SLC39A14: variants seen among roughly 807,000 people sequenced by gnomAD.
SLC39A14 encodes the protein metal cation symporter ZIP14.
SLC39A14 carries 19 observed loss-of-function variants against 45.5 expected under a neutral mutation model. The ratio of observed to expected loss-of-function variants is 0.42; its 90% CI spans 0.29 to 0.61. SLC39A14 has a LOEUF of 0.61. Ranked by LOEUF, SLC39A14 falls within the 20% of genes least tolerant of loss-of-function variation. The pLI is 0.22. For missense variants in SLC39A14, 447 were observed against 616.5 expected (o/e 0.73, Z 2.91); for synonymous variants, 264 against 251.3 (o/e 1.05, Z -0.48).
chr8:22,418,396 A>G (rs1386815057), intron 8 of SLC39A14, among the ~76,000 whole-genome samples: 1 of 152,212 alleles, frequency 6.6e-6, no homozygotes, highest in Non-Finnish European at 1.5e-5. Context: ...ATTAATTATT[A>G]TGGAATGGCT....
intron 8 of SLC39A14, among the ~76,000 whole-genome samples, chr8:22,428,150 A>T (rs192123619): frequency 6.6e-6 from 1 of 151,528 alleles, no homozygotes; most frequent in Admixed American, 6.6e-5. Flanking sequence ...ATACAAAATT[A>T]GCTGGGTGTG....
chr8:22,412,245 C>T (rs367993834), intron 4 of SLC39A14, 39 bp downstream of exon 4: 3 of 1,543,674 alleles, frequency 1.9e-6, no homozygotes, highest in African/African-American at 1.4e-5. Flanking sequence ...AGCATGCCGG[C>T]GGGCACAGTG....
At chr8:22,411,739 G>T (rs1025468290) in intron 3 of SLC39A14, 3 of 338,806 alleles carry the variant, frequency 8.9e-6, no homozygotes, top group African/African-American at 4.2e-5. Flanking sequence ...GGGGCCACCA[G>T]TGGCCACAGG....
Position 22,420,698 on chromosome 8 carries a change from A to G in SLC39A14, c.*1000A>G. Reference sequence around the variant, plus strand: ...GGTGCCATTTATGCTCTACTTAGACAAGGGTAATCAGAAATGGAATCAGTG... The same window carrying G: ...GGTGCCATTTATGCTCTACTTAGACGAGGGTAATCAGAAATGGAATCAGTG... On this transcript the variant is annotated 3_prime_UTR_variant, in exon 9 of 9. Transcript: ENST00000381237. 2.0e-6 allele frequency: 2 copies of G among 985,422 alleles called. No homozygotes were observed. Among genetic ancestry groups the G allele is most frequent in the African/African-American group, 1.7e-5 (1 of 57,346 alleles). The allele number at this position is 985,422 out of a possible 1,614,324, so 61.0% of individuals were successfully genotyped here. A position where few individuals can be genotyped will look rare whatever the true frequency, so the allele number is the denominator to read the frequency against.
At chr8:22,402,136 C>T (rs572207678) in intron 1 of SLC39A14, among the ~76,000 whole-genome samples, 1 of 152,302 alleles carries the variant, frequency 6.6e-6, no homozygotes, top group East Asian at 1.9e-4. Context: ...AATCCCAGCA[C>T]TTTGGGAGGC....
intron 1 of SLC39A14, among the ~76,000 whole-genome samples, chr8:22,378,490 T>C (rs796395965): frequency 2.4e-4 from 37 of 152,286 alleles, no homozygotes; most frequent in African/African-American, 7.9e-4. Flanking sequence ...CTATTTTCCA[T>C]TGCTGGCTAC....
At chr8:22,428,180 C>T (rs1161486715) in intron 8 of SLC39A14, among the ~76,000 whole-genome samples, 3 of 151,994 alleles carry the variant, frequency 2.0e-5, no homozygotes, top group Non-Finnish European at 4.4e-5. Context: ...GCCTGTAATC[C>T]CAGTTACTTG....
chr8:22,376,226 C>A, intron 1 of SLC39A14, among the ~76,000 whole-genome samples: 1 of 152,012 alleles, frequency 6.6e-6, no homozygotes, highest in Non-Finnish European at 1.5e-5. Context: ...GGCTGGAGGG[C>A]AGTGGTGTGA....
intron 1 of SLC39A14, among the ~76,000 whole-genome samples, chr8:22,387,032 G>T (rs933588556): frequency 2.0e-5 from 3 of 152,086 alleles, no homozygotes; most frequent in African/African-American, 4.8e-5. Flanking sequence ...AAGTAGCCAG[G>T]CATGGTGGTG....
intron 1 of SLC39A14, among the ~76,000 whole-genome samples, chr8:22,370,785 G>A (rs1213238604): frequency 1.3e-5 from 2 of 152,172 alleles, no homozygotes; most frequent in East Asian, 3.9e-4. Context: ...CTGGAGACAT[G>A]GGAGGCTGGG....
At chr8:22,375,594 T>G (rs1299831547) in intron 1 of SLC39A14, among the ~76,000 whole-genome samples, 1 of 152,116 alleles carries the variant, frequency 6.6e-6, no homozygotes, top group East Asian at 1.9e-4. Context: ...CAAGCAATTC[T>G]CCTGCCTCAG....
At position 22,419,817 on chromosome 8, in the gene SLC39A14, G is replaced by T; in HGVS notation, c.*119G>T. ...GGCCGTTCTATGAAAAACTGACACA[G>T]ACTGTATTCCTGCATTCAAATGTCA... On this transcript the variant is annotated 3_prime_UTR_variant, in exon 9 of 9. Coordinates refer to ENST00000381237, the MANE Select transcript of SLC39A14 (RefSeq NM_001128431.4). The T allele has an allele frequency of 7.0e-7, 1 of 1,434,268 alleles. No individual in the cohort carries two copies. The allele number at this position is 1,434,268 out of a possible 1,614,324, so 88.8% of individuals were successfully genotyped here.
chr8:22,378,656 C>G (rs1833338573), intron 1 of SLC39A14, among the ~76,000 whole-genome samples: 2 of 152,214 alleles, frequency 1.3e-5, no homozygotes, highest in Admixed American at 1.3e-4. Context: ...GGCTCACCAG[C>G]TTTGTTCTGG....
intron 8 of SLC39A14, among the ~76,000 whole-genome samples, chr8:22,430,829 T>C (rs13255244): frequency 0.3 from 46,001 of 151,394 alleles, 7,342 homozygotes; most frequent in East Asian, 0.5. Context: ...TGTGCCATCA[T>C]GCCCAGCTAA....
intron 1 of SLC39A14, 133 bp from the exon 2 acceptor site, chr8:22,404,563 C>A: frequency 1.3e-6 from 1 of 760,192 alleles, no homozygotes; most frequent in Non-Finnish European, 2.1e-6. Flanking sequence ...TTCTCAAAGG[C>A]TAATTCAAGA....
intron 8 of SLC39A14, among the ~76,000 whole-genome samples, chr8:22,431,267 G>A (rs552604817): frequency 2.0e-5 from 3 of 152,170 alleles, no homozygotes; most frequent in Admixed American, 6.6e-5. Flanking sequence ...GATTACAGAC[G>A]TGAGCCACCG....
chr8:22,405,831 C>A (rs1422051569), intron 2 of SLC39A14, among the ~76,000 whole-genome samples: 1 of 152,200 alleles, frequency 6.6e-6, no homozygotes, highest in Admixed American at 6.5e-5. Flanking sequence ...CTCTGCTAAT[C>A]AGACTCTGGG....
intron 1 of SLC39A14, among the ~76,000 whole-genome samples, chr8:22,392,333 T>A (rs958373318): frequency 9.9e-5 from 15 of 152,166 alleles, no homozygotes; most frequent in African/African-American, 3.6e-4. Context: ...ACAGTTTAAT[T>A]GTGCCGGACA....
At chr8:22,391,068 C>A (rs1256458494) in intron 1 of SLC39A14, among the ~76,000 whole-genome samples, 1 of 152,192 alleles carries the variant, frequency 6.6e-6, no homozygotes, top group Non-Finnish European at 1.5e-5. Flanking sequence ...GCAACGTGAT[C>A]TTTGCAAATA....
Sources: gnomAD v4.1 joint callset for allele counts (sites outside exome capture counted in the v4.1 genomes callset) on GRCh38, gnomAD v4.1.1 for gene constraint, MANE v1.5 for transcripts, NCBI Gene and HGNC (gene_info 2026-07-23, HGNC 2026-07-21) for gene names.